CCDC198: variants seen among roughly 807,000 people sequenced by gnomAD.
CCDC198 encodes the protein coiled-coil domain containing 198.
CCDC198 carries 18 observed loss-of-function variants against 35.6 expected under a neutral mutation model. The ratio of observed to expected loss-of-function variants is 0.51; its 90% CI spans 0.35 to 0.75. The LOEUF (loss-of-function observed/expected upper bound fraction) is 0.75, where lower values mean the gene tolerates loss of function less well. Among genes scored for constraint, CCDC198 ranks in the 30% least tolerant of loss-of-function variants. The probability of loss-of-function intolerance (pLI) is 0.01; values close to 1 mark genes in which losing one functional copy is unlikely to be tolerated. For missense variants in CCDC198, 365 were observed against 343.7 expected (o/e 1.06, Z -0.49); for synonymous variants, 119 against 113.4 (o/e 1.05, Z -0.31).
intron 3 of CCDC198, among the ~76,000 whole-genome samples, chr14:57,482,276 T>C (rs1854170615): frequency 6.6e-6 from 1 of 152,198 alleles, no homozygotes; most frequent in South Asian, 2.1e-4. Context: ...TATACCTTCA[T>C]TTGTCATTTG....
intron 2 of CCDC198, among the ~76,000 whole-genome samples, chr14:57,484,107 AG>A (rs1329979474): frequency 3.3e-5 from 5 of 152,204 alleles, no homozygotes; most frequent in Admixed American, 2.0e-4. Context: ...CCTGAAAAAC[AG>A]GGTGTGTTAG....
intron 4 of CCDC198, 63 bp downstream of exon 4, chr14:57,481,496 A>G (rs1002995976): frequency 6.2e-6 from 7 of 1,123,940 alleles, no homozygotes; most frequent in Non-Finnish European, 8.0e-6. Flanking sequence ...TGATATATTC[A>G]TGTGGCAGGG....
At chr14:57,482,992 T>C in intron 3 of CCDC198, 73 bp downstream of exon 3, 1 of 1,602,688 alleles carries the variant, frequency 6.2e-7, no homozygotes, top group Non-Finnish European at 8.5e-7. Context: ...AAAGGACCAG[T>C]GTGCTCCAGT....
chr14:57,474,162 C>G (rs890638047), intron 5 of CCDC198, among the ~76,000 whole-genome samples: 1 of 152,204 alleles, frequency 6.6e-6, no homozygotes, highest in African/African-American at 2.4e-5. Flanking sequence ...AATGAAACGA[C>G]CACACAATGC....
intron 2 of CCDC198, 76 bp downstream of exon 2, chr14:57,490,913 G>C: frequency 7.7e-7 from 1 of 1,295,648 alleles, no homozygotes; most frequent in South Asian, 1.3e-5. Context: ...ATCCCTCTTT[G>C]ATGATTATAG....
intron 5 of CCDC198, among the ~76,000 whole-genome samples, chr14:57,477,426 C>T (rs988210004): frequency 6.6e-6 from 1 of 152,054 alleles, no homozygotes; most frequent in African/African-American, 2.4e-5. Flanking sequence ...AGTTAGAATT[C>T]CCTCTCTATT....
intron 5 of CCDC198, among the ~76,000 whole-genome samples, chr14:57,477,546 A>G (rs993383985): frequency 6.6e-6 from 1 of 152,210 alleles, no homozygotes; most frequent in African/African-American, 2.4e-5. Context: ...TCATACGGTT[A>G]AAGTGTTGAA....
chr14:57,493,745 G>T lies in CCDC198; in HGVS notation c.-30C>A, dbSNP rs1250125861. On this transcript the variant is annotated 5_prime_UTR_variant, in exon 1 of 6. Transcript: ENST00000216445. ...TGTGAAAGACATTCAGAGGAAAGCT[G>T]CGAGGGAAGTGGTTTTGGGGTCTTT... is the stretch of plus-strand genomic sequence containing the variant. The T allele has an allele frequency of 1.9e-6, 3 of 1,558,228 alleles. 1 individual carries two copies. The highest frequency in any genetic ancestry group is 2.6e-6 in the Non-Finnish European group (3 of 1,133,656).
intron 5 of CCDC198, among the ~76,000 whole-genome samples, chr14:57,474,432 G>A (rs2066908777): frequency 6.6e-6 from 1 of 152,188 alleles, no homozygotes; most frequent in Non-Finnish European, 1.5e-5. Context: ...GAAACAGAAG[G>A]GGAATGTTTG....
At chr14:57,478,755 G>A (rs1417335017) in intron 5 of CCDC198, 1 of 1,098,716 alleles carries the variant, frequency 9.1e-7, no homozygotes, top group Non-Finnish European at 1.1e-6. Flanking sequence ...TGGAAGTATA[G>A]GTTAAATAGA....
intron 3 of CCDC198, among the ~76,000 whole-genome samples, chr14:57,481,868 T>C (rs1452894556): frequency 6.6e-6 from 1 of 152,214 alleles, no homozygotes; most frequent in East Asian, 1.9e-4. Context: ...GATGTGTATA[T>C]ATGTAGTTTT....
At chr14:57,487,505 C>T (rs1405459074) in intron 2 of CCDC198, among the ~76,000 whole-genome samples, 1 of 152,096 alleles carries the variant, frequency 6.6e-6, no homozygotes, top group East Asian at 1.9e-4. Context: ...TTAAGCTAGA[C>T]CTGAAATGGT....
intron 5 of CCDC198, chr14:57,480,252 C>T (rs1011839494): frequency 4.1e-6 from 4 of 985,166 alleles, no homozygotes; most frequent in Non-Finnish European, 4.8e-6. Context: ...ATGTGACTGC[C>T]GGCAATATAT....
At position 57,475,036 on chromosome 14, in the gene CCDC198, C is replaced by T. The variant is rs537047082; in HGVS notation, c.656-3446G>A. Among the ~76,000 whole-genome samples, 17 of 152,160 alleles carry T rather than the reference C, an allele frequency of 1.1e-4. 1 individual carries two copies. In the East Asian group the frequency reaches 1.5e-3, roughly 14 times the overall value. ...CAGCACTTTGGGAGGCCGAGGCGGG[C>T]GGATCACGAGGTCAGGAGATCGAGA... On this transcript the variant is annotated intron_variant, in intron 5 of 5. Coordinates refer to ENST00000216445, the MANE Select transcript of CCDC198 (RefSeq NM_018168.4).
intron 4 of CCDC198, 78 bp downstream of exon 4, chr14:57,481,481 A>G: frequency 2.0e-6 from 2 of 988,296 alleles, no homozygotes; most frequent in South Asian, 1.4e-5. Flanking sequence ...CTGGCTATCT[A>G]TGCTTGATAT....
intron 2 of CCDC198, chr14:57,483,416 C>T (rs2067252121): frequency 4.9e-6 from 2 of 405,876 alleles, no homozygotes; most frequent in South Asian, 5.8e-5. Flanking sequence ...CTAAGATACT[C>T]TTCTGTCTGC....
chr14:57,480,004 T>C (rs2067129479), intron 5 of CCDC198, among the ~76,000 whole-genome samples: 2 of 152,160 alleles, frequency 1.3e-5, no homozygotes, highest in African/African-American at 4.8e-5. Flanking sequence ...CAGATTTTAC[T>C]GCTAGGTGAT....
intron 5 of CCDC198, among the ~76,000 whole-genome samples, chr14:57,479,346 T>G (rs1276551926): frequency 3.9e-5 from 6 of 152,086 alleles, no homozygotes. Flanking sequence ...ACCTCAGCCT[T>G]TTGAGTAGCT....
Position 57,480,754 on chromosome 14 carries a change from C to T in CCDC198, c.496G>A (p.Ala166Thr). Reference sequence around the variant, plus strand: ...AGACTTTTCTTTAACTCCATTTGGGCCTGAAAATCATCAACTATAAATGAT... The same window carrying T: ...AGACTTTTCTTTAACTCCATTTGGGTCTGAAAATCATCAACTATAAATGAT... ...VLEMIRKRQEAQMELKKSLHG... is the reference protein window; with the variant it reads ...VLEMIRKRQETQMELKKSLHG... Residue 166 changes from alanine to threonine, a missense_variant and splice_region_variant, in exon 5 of 6, where the codon GCC becomes ACC. By Grantham distance (58) the Ala-to-Thr change is moderately conservative (BLOSUM62 0). Transcript: ENST00000216445. The T allele has an allele frequency of 6.2e-7, 1 of 1,613,618 alleles. No homozygotes were observed. The highest frequency in any genetic ancestry group is 8.5e-7 in the Non-Finnish European group (1 of 1,179,836).
Sources: gnomAD v4.1 joint callset for allele counts (sites outside exome capture counted in the v4.1 genomes callset) on GRCh38, gnomAD v4.1.1 for gene constraint, MANE v1.5 for transcripts, NCBI Gene and HGNC (gene_info 2026-07-23, HGNC 2026-07-21) for gene names.